STT3B: variants seen among roughly 807,000 people sequenced by gnomAD.
STT3B encodes STT3 oligosaccharyltransferase complex catalytic subunit B, also known as dolichyl-diphosphooligosaccharide--protein glycosyltransferase subunit STT3B.
In STT3B, 29 loss-of-function variants were observed where a neutral mutation model predicts 96.8. That is an observed-to-expected ratio of 0.30 (90% CI 0.22 to 0.41). The LOEUF (loss-of-function observed/expected upper bound fraction) is 0.41. Ranked by LOEUF, STT3B falls within the 10% of genes least tolerant of loss-of-function variation. STT3B has a pLI of 1.00. For synonymous variants in STT3B, 367 were observed against 360.0 expected (o/e 1.02, Z -0.22); for missense variants, 640 against 1,022.3 (o/e 0.63, Z 5.10).
intron 13 of STT3B, among the ~76,000 whole-genome samples, chr3:31,628,756 G>A (rs1256822481): frequency 1.3e-5 from 2 of 152,148 alleles, no homozygotes; most frequent in Non-Finnish European, 2.9e-5. Flanking sequence ...CGGAGATGAG[G>A]ATGGGTAATT....
chr3:31,547,858 G>A (rs1244182046), intron 1 of STT3B, among the ~76,000 whole-genome samples: 3 of 152,208 alleles, frequency 2.0e-5, no homozygotes, highest in Non-Finnish European at 4.4e-5. Flanking sequence ...AAAATTCTAT[G>A]TGTTGAAGGC....
rs1430535195 is a variant in STT3B at position 31,629,421 on chromosome 3, A to G, written c.2187+10A>G. ...ATTTGGAGAAATGCAGGTTAGTTAA[A>G]TCCATTTTTCTCTAATTTTCATTCA... On this transcript the variant is annotated intron_variant, in intron 14 of 15. Coordinates refer to ENST00000295770, the MANE Select transcript of STT3B (RefSeq NM_178862.3). 1 of 1,442,888 alleles carries G rather than the reference A, an allele frequency of 6.9e-7. No individual in the cohort carries two copies. Among genetic ancestry groups the G allele is most frequent in the Non-Finnish European group, 9.6e-7 (1 of 1,039,776 alleles). The allele number at this position is 1,442,888 out of a possible 1,614,324, so 89.4% of individuals were successfully genotyped here.
intron 5 of STT3B, among the ~76,000 whole-genome samples, chr3:31,603,451 G>A (rs1016913599): frequency 6.6e-6 from 1 of 151,934 alleles, no homozygotes; most frequent in African/African-American, 2.4e-5. Context: ...TTAATTTTCT[G>A]TTAAGAGATA....
chr3:31,533,175 C>T lies in STT3B; in HGVS notation c.177C>T (p.Ser59=), dbSNP rs1696985948. 1.4e-6 allele frequency: 2 copies of T among 1,410,412 alleles called. No individual in the cohort carries two copies. Among genetic ancestry groups the T allele is most frequent in the Non-Finnish European group, 1.9e-6 (2 of 1,071,760 alleles). The allele number at this position is 1,410,412 out of a possible 1,614,324, so 87.4% of individuals were successfully genotyped here. A position where few individuals can be genotyped will look rare whatever the true frequency, so the allele number is the denominator to read the frequency against. The change falls in exon 1 of 16, where the codon TCC becomes TCT. Residue 59 remains serine, a synonymous_variant. Transcript: ENST00000295770. ...CGAAGCCGGCCCCGGCGGGGCTGTC[C>T]GGGGGGCTGTCGCAGCCGGCTGGGT... ...APPKPAPAGL[S]GGLSQPAGWQ... is the part of the protein sequence containing the mutation.
intron 3 of STT3B, among the ~76,000 whole-genome samples, chr3:31,590,170 AAT>A (rs1305112291): frequency 6.6e-6 from 1 of 151,974 alleles, no homozygotes; most frequent in Non-Finnish European, 1.5e-5. Context: ...ATTTCTGTAC[AAT>A]CTGTAGTGAT....
chr3:31,550,464 A>G (rs1697524691), intron 1 of STT3B, among the ~76,000 whole-genome samples: 1 of 152,216 alleles, frequency 6.6e-6, no homozygotes. Context: ...GAGGTTTGTG[A>G]GAGTAGTCTG....
chr3:31,540,348 AG>A (rs77398752), intron 1 of STT3B, among the ~76,000 whole-genome samples: 6,634 of 152,250 alleles, frequency 0.044, 372 homozygotes, highest in East Asian at 0.32. Flanking sequence ...TCCTATTAAA[AG>A]GGAAATGTTA....
chr3:31,553,914 G>A (rs1230048555), intron 1 of STT3B, among the ~76,000 whole-genome samples: 2 of 150,430 alleles, frequency 1.3e-5, no homozygotes, highest in Non-Finnish European at 2.9e-5. Flanking sequence ...TATTGGCCCT[G>A]AAGTGAATAG....
In STT3B at chr3:31,636,326, T is replaced by C. The variant is rs1322164321; in HGVS notation, c.*262T>C. On this transcript the variant is annotated 3_prime_UTR_variant, in exon 16 of 16. Coordinates refer to ENST00000295770, the MANE Select transcript of STT3B (RefSeq NM_178862.3). ...ATTTTTTTTTTATTGGTACATATTA[T>C]CCTTCAAATCTGAGAATTTGGACTA... 1 of 282,730 alleles carries C rather than the reference T, an allele frequency of 3.5e-6. No individual in the cohort carries two copies. The highest frequency in any genetic ancestry group is 2.2e-5 in the African/African-American group (1 of 45,918). 17.5% of individuals were successfully genotyped at this position (282,730 alleles called of 1,614,324 possible).
At chr3:31,544,976 T>A (rs1001880373) in intron 1 of STT3B, among the ~76,000 whole-genome samples, 1 of 152,186 alleles carries the variant, frequency 6.6e-6, no homozygotes. Context: ...TCTTAATTTT[T>A]AAAATTTAAT....
At chr3:31,611,119 G>C (rs1310261966) in intron 5 of STT3B, among the ~76,000 whole-genome samples, 1 of 152,166 alleles carries the variant, frequency 6.6e-6, no homozygotes, top group African/African-American at 2.4e-5. Flanking sequence ...AATTGGTAGA[G>C]AATGATGGCT....
At chr3:31,590,046 C>T in intron 3 of STT3B, among the ~76,000 whole-genome samples, 1 of 151,776 alleles carries the variant, frequency 6.6e-6, no homozygotes, top group East Asian at 1.9e-4. Flanking sequence ...TTCAGATTTT[C>T]TTTTTTCATG....
intron 1 of STT3B, among the ~76,000 whole-genome samples, chr3:31,551,884 A>G (rs527674566): frequency 6.7e-6 from 1 of 149,260 alleles, no homozygotes. Context: ...CCTATGTGGC[A>G]AGGAACTACT....
chr3:31,635,753 TG>T (rs1444083176), intron 15 of STT3B, among the ~76,000 whole-genome samples: 3 of 152,196 alleles, frequency 2.0e-5, no homozygotes, highest in Non-Finnish European at 4.4e-5. Context: ...ATTCACTTGA[TG>T]GTGAGGATGT....
intron 8 of STT3B, among the ~76,000 whole-genome samples, chr3:31,618,196 A>G (rs1699351411): frequency 6.6e-6 from 1 of 152,012 alleles, no homozygotes; most frequent in South Asian, 2.1e-4. Context: ...TACGTTGTGT[A>G]TTACTGTTCT....
intron 3 of STT3B, among the ~76,000 whole-genome samples, chr3:31,594,973 T>C (rs1488675654): frequency 6.6e-6 from 1 of 152,190 alleles, no homozygotes; most frequent in East Asian, 1.9e-4. Flanking sequence ...TGTATTCAGC[T>C]GTCCAGAAGT....
At chr3:31,581,255 T>C (rs1698377154) in intron 3 of STT3B, among the ~76,000 whole-genome samples, 1 of 151,992 alleles carries the variant, frequency 6.6e-6, no homozygotes, top group South Asian at 2.1e-4. Flanking sequence ...GATACTGAGG[T>C]GGGCAATATT....
At chr3:31,554,355 T>G (rs1203591640) in intron 1 of STT3B, among the ~76,000 whole-genome samples, 1 of 152,192 alleles carries the variant, frequency 6.6e-6, no homozygotes, top group Non-Finnish European at 1.5e-5. Context: ...ACCAGAGTAA[T>G]TTGAAAAAGA....
chr3:31,593,376 C>T (rs190053926), intron 3 of STT3B, among the ~76,000 whole-genome samples: 5 of 151,460 alleles, frequency 3.3e-5, no homozygotes, highest in African/African-American at 1.2e-4. Flanking sequence ...TCAACTTTTC[C>T]TCTTTGTCTT....
Sources: allele counts gnomAD v4.1 joint callset (sites outside exome capture counted in the v4.1 genomes callset), GRCh38; gene constraint gnomAD v4.1.1; transcripts MANE v1.5; gene names NCBI Gene and HGNC (gene_info 2026-07-23, HGNC 2026-07-21).